Variants in CTSZ observed in about 807,000 individuals in gnomAD.
CTSZ encodes the protein cathepsin Z, also known as carboxypeptidase LB.
In CTSZ, 39 loss-of-function variants were observed where a neutral mutation model predicts 32.4. That is an observed-to-expected ratio of 1.20 (90% CI 0.93 to 1.57). The LOEUF (loss-of-function observed/expected upper bound fraction) is 1.57. Among genes scored for constraint, CTSZ ranks in the 40% most tolerant of loss-of-function variants. The pLI is 0.00. For synonymous variants in CTSZ, 168 were observed against 170.1 expected (o/e 0.99, Z 0.10); for missense variants, 397 against 419.6 (o/e 0.95, Z 0.47).
chr20:59,003,189 C>A (rs973028049), intron 2 of CTSZ, among the ~76,000 whole-genome samples: 1 of 152,202 alleles, frequency 6.6e-6, no homozygotes, highest in African/African-American at 2.4e-5. Context: ...CATGGCCTGC[C>A]CCCGAGCCCT....
chr20:59,001,830 T>G (rs1437148402), intron 2 of CTSZ, among the ~76,000 whole-genome samples, 186 bp from the exon 3 acceptor site: 2 of 152,248 alleles, frequency 1.3e-5, no homozygotes, highest in Admixed American at 6.5e-5. Flanking sequence ...GACGTCGCTC[T>G]GCAGAGAGGC....
Position 58,995,756 on chromosome 20 carries a change from C to G in CTSZ, c.805G>C (p.Glu269Gln). The part of the protein sequence containing the change: ...VRNSWGEPWG[E>Q]RGWLRIVTST... ...GTCACGATCCTCAGCCAGCCTCTCT[C>G]GCCCTGTGAGAAGTGGGATCGCGCG... Residue 269 changes from glutamate to glutamine, a missense_variant, in exon 6 of 6, where the codon GAG (glutamate) becomes CAG (glutamine). Glu to Gln is a conservative substitution (Grantham distance 29). Transcript: ENST00000217131. 6.2e-7 allele frequency: 1 copy of G among 1,614,028 alleles called. No homozygotes were observed. Among genetic ancestry groups the G allele is most frequent in the Non-Finnish European group, 8.5e-7 (1 of 1,179,966 alleles).
At chr20:58,997,883 TTGCTATTAGG>T in intron 3 of CTSZ, 130 bp from the exon 4 acceptor site, 2 of 780,954 alleles carry the variant, frequency 2.6e-6, no homozygotes, top group Non-Finnish European at 1.9e-6. Flanking sequence ...GGAAATCATC[TTGCTATTAGG>T]TGCTGCTTAA....
chr20:59,003,652 T>C (rs562952562), intron 2 of CTSZ, among the ~76,000 whole-genome samples: 2 of 152,230 alleles, frequency 1.3e-5, no homozygotes, highest in African/African-American at 2.4e-5. Context: ...GGGTGTCATA[T>C]GCATAGGGTG....
chr20:59,001,727 T>G (rs143148179), intron 2 of CTSZ, 83 bp from the exon 3 acceptor site: 5 of 1,428,654 alleles, frequency 3.5e-6, no homozygotes, highest in Non-Finnish European at 4.8e-6. Context: ...TCAGGCGGGA[T>G]GCAGGCGCTG....
At position 58,997,689 on chromosome 20, in the gene CTSZ, G is replaced by C. The variant is rs1015074498; in HGVS notation, c.552C>G (p.Asn184Lys). The change falls in exon 4 of 6, where the codon AAC becomes AAG. Residue 184 changes from asparagine (N) to lysine (K), a missense_variant. Physicochemically the swap from Asn to Lys is moderately conservative, Grantham distance 94. Transcript: ENST00000217131. ...AGTCTCCCACCCTCCAGAGGGTGTA[G>C]TTCCGGATGGCGTGGCACTCTTTGA... ...NEFKECHAIR[N>K]YTLWRVGDYG... 1 of 1,610,480 alleles carries C rather than the reference G, an allele frequency of 6.2e-7. No individual in the cohort carries two copies. Among genetic ancestry groups the C allele is most frequent in the African/African-American group, 1.3e-5 (1 of 74,864 alleles).
At position 58,995,207 on chromosome 20, in the gene CTSZ, T is replaced by C. The variant is rs182311477; in HGVS notation, c.*442A>G. ...CAGTCTCGTGCAGAGCCAGATACTT[T>C]ATTCATCACTTGGGCGATTTGAAAC... On this transcript the variant is annotated 3_prime_UTR_variant, in exon 6 of 6. Transcript: ENST00000217131. The C allele has an allele frequency of 1.8e-4, 31 of 172,788 alleles. No homozygotes were observed. Among genetic ancestry groups the C allele is most frequent in the Admixed American group, 7.2e-4 (12 of 16,726 alleles). The allele number at this position is 172,788 out of a possible 1,614,324, so 10.7% of individuals were successfully genotyped here.
In CTSZ at chr20:58,996,714, G is replaced by A. The variant is rs143778696; in HGVS notation, c.726C>T (p.Val242=). 5.6e-5 allele frequency: 91 copies of A among 1,614,034 alleles called. No individual in the cohort carries two copies. Among genetic ancestry groups the A allele is most frequent in the East Asian group, 8.9e-5 (4 of 44,900 alleles). ...TGATGCCCCACCCAGCCACAGAAAC[G>A]ACATGGTTTATATATGTGGTGTCCT... ...EYQDTTYINH[V]VSVAGWGISD... Residue 242 remains valine (V), a synonymous_variant, in exon 5 of 6, where the codon GTC becomes GTT. Transcript: ENST00000217131.
intron 2 of CTSZ, among the ~76,000 whole-genome samples, chr20:59,003,649 A>C (rs1568683790): frequency 6.6e-6 from 1 of 152,166 alleles, no homozygotes; most frequent in Non-Finnish European, 1.5e-5. Context: ...GTGGGGTGTC[A>C]TATGCATAGG....
rs58047184 is a variant in CTSZ, at chr20:59,002,817, T to C, written c.308-1173A>G. 1.3e-3 allele frequency among the ~76,000 whole-genome samples: 194 copies of C among 152,130 alleles called. 5 individuals carry two copies. The East Asian group carries it at 0.035, about 27-fold the overall frequency. ...CCTGACCGACCCACCCTAGGTTCCATCCTGTTTCCTCCCAAGGACTTGGCT... is the reference window on the plus strand; with the variant it reads ...CCTGACCGACCCACCCTAGGTTCCACCCTGTTTCCTCCCAAGGACTTGGCT... On this transcript the variant is annotated intron_variant, in intron 2 of 5. Coordinates refer to ENST00000217131, the MANE Select transcript of CTSZ (RefSeq NM_001336.4). The surrounding 1 kb of genome is among the most constrained non-coding windows in gnomAD (Gnocchi z 4.1).
chr20:59,001,092 G>A (rs1035291083), intron 3 of CTSZ, among the ~76,000 whole-genome samples: 1 of 152,194 alleles, frequency 6.6e-6, no homozygotes, highest in African/African-American at 2.4e-5. Flanking sequence ...GCCTCCCAAA[G>A]TGCTGAGATT....
chr20:59,002,805 C>T lies in CTSZ; in HGVS notation c.308-1161G>A, dbSNP rs163797. ...TGTCCCCTCCCACCTGACCGACCCA[C>T]CCTAGGTTCCATCCTGTTTCCTCCC... On this transcript the variant is annotated intron_variant, in intron 2 of 5. Coordinates refer to ENST00000217131, the MANE Select transcript of CTSZ (RefSeq NM_001336.4). This position sits in a 1 kb window ranked among gnomAD's most constrained non-coding sequence, Gnocchi z 4.1. Among the ~76,000 whole-genome samples the T allele has an allele frequency of 0.42, 64,377 of 151,840 alleles. 13,940 individuals are homozygous for T. The highest frequency in any genetic ancestry group is 0.62 in the East Asian group (3,177 of 5,138).
intron 2 of CTSZ, 42 bp from the exon 3 acceptor site, chr20:59,001,686 C>G (rs373728832): frequency 1.7e-5 from 27 of 1,590,182 alleles, no homozygotes; most frequent in Non-Finnish European, 2.2e-5. Flanking sequence ...CACCCACTCT[C>G]CACCCACTTC....
chr20:58,996,696 C>T lies in CTSZ; in HGVS notation c.744G>A (p.Trp248Ter), dbSNP rs750182079. 6.2e-7 allele frequency: 1 copy of T among 1,614,168 alleles called. No homozygotes were observed. The highest frequency in any genetic ancestry group is 8.5e-7 in the Non-Finnish European group (1 of 1,180,024). Residue 248 changes from tryptophan to a stop codon, truncating the protein, a stop_gained, in exon 5 of 6, where the codon TGG becomes TGA. Coordinates refer to ENST00000217131, the MANE Select transcript of CTSZ (RefSeq NM_001336.4). LOFTEE classifies it high-confidence loss of function. ...AGTACTCAGTCCCATCACTGATGCC[C>T]CACCCAGCCACAGAAACGACATGGT... The part of the protein sequence containing the change: ...YINHVVSVAG[W>*]GISDGTEYWI...
chr20:59,006,231 G>C, intron 2 of CTSZ, 91 bp downstream of exon 2: 1 of 1,448,712 alleles, frequency 6.9e-7, no homozygotes, highest in Non-Finnish European at 9.2e-7. Context: ...TGAATCACAG[G>C]CCCCTGGAAC....
rs1199802265 is a variant in CTSZ, at chr20:58,995,624, A to T, written c.*25T>A. The T allele has an allele frequency of 6.2e-7, 1 of 1,605,816 alleles. No individual in the cohort carries two copies. The highest frequency in any genetic ancestry group is 8.5e-7 in the Non-Finnish European group (1 of 1,172,796). ...GTCATGGGTCACCATGCCTTTTCTTAAACTGCGCTTCTAGTGACATGGCCT... is the reference window on the plus strand; with the variant it reads ...GTCATGGGTCACCATGCCTTTTCTTTAACTGCGCTTCTAGTGACATGGCCT... On this transcript the variant is annotated 3_prime_UTR_variant, in exon 6 of 6. Transcript: ENST00000217131.
At chr20:58,999,949 G>A (rs1185640583) in intron 3 of CTSZ, among the ~76,000 whole-genome samples, 4 of 152,166 alleles carry the variant, frequency 2.6e-5, no homozygotes, top group Admixed American at 6.5e-5. Context: ...GGCGCCTGTA[G>A]TCCCAGCTAC....
In CTSZ at chr20:59,002,139, C is replaced by T. The variant is rs1312927687; in HGVS notation, c.308-495G>A. Among the ~76,000 whole-genome samples, 1 of 152,212 alleles carries T rather than the reference C, an allele frequency of 6.6e-6. No individual in the cohort carries two copies. The highest frequency in any genetic ancestry group is 1.5e-5 in the Non-Finnish European group (1 of 68,022). On this transcript the variant is annotated intron_variant, in intron 2 of 5. Transcript: ENST00000217131. This position sits in a 1 kb window ranked among gnomAD's most constrained non-coding sequence, Gnocchi z 4.1. Reference sequence around the variant, plus strand: ...GCCCCAGTGAGGGGCCAGATGCGGTCCTGAGGGCTGGGGAAGGCCAGCAGG... The same window carrying T: ...GCCCCAGTGAGGGGCCAGATGCGGTTCTGAGGGCTGGGGAAGGCCAGCAGG...
At chr20:59,005,034 C>T (rs906407014) in intron 2 of CTSZ, among the ~76,000 whole-genome samples, 13 of 152,114 alleles carry the variant, frequency 8.5e-5, no homozygotes, top group Non-Finnish European at 1.9e-4. Flanking sequence ...CCTCACCCCA[C>T]CCTCAAAGGC....
Sources: allele counts gnomAD v4.1 joint callset (sites outside exome capture counted in the v4.1 genomes callset), GRCh38; gene constraint gnomAD v4.1.1; non-coding constraint Gnocchi (gnomAD v3.1); transcripts MANE v1.5; gene names NCBI Gene and HGNC (gene_info 2026-07-23, HGNC 2026-07-21).